The following SLC13A3 variants were observed in gnomAD, a reference collection of about 807,000 sequenced individuals.
SLC13A3 encodes the protein Na(+)/dicarboxylate cotransporter 3.
SLC13A3 carries 40 observed loss-of-function variants against 59.0 expected under a neutral mutation model. The observed-to-expected ratio is 0.68, with a 90% confidence interval of 0.53 to 0.88. The LOEUF (loss-of-function observed/expected upper bound fraction) is 0.88, where lower values mean the gene tolerates loss of function less well. SLC13A3 is among the 40% of genes least tolerant of loss of function. The probability of loss-of-function intolerance (pLI) is 0.00; values close to 1 mark genes in which losing one functional copy is unlikely to be tolerated. For synonymous variants in SLC13A3, 317 were observed against 330.3 expected, an observed-to-expected ratio of 0.96 and a Z score of 0.44; for missense variants, 699 against 783.2, an observed-to-expected ratio of 0.89 and a Z score of 1.28.
At chr20:46,604,688 A>G (rs547086036) in intron 3 of SLC13A3, among the ~76,000 whole-genome samples, 183 of 152,206 alleles carry the variant, frequency 1.2e-3, no homozygotes, top group African/African-American at 4.3e-3. Flanking sequence ...GACCCCCTGC[A>G]GGGGCCTGAA....
At chr20:46,569,673 G>A (rs762478124) in intron 10 of SLC13A3, among the ~76,000 whole-genome samples, 2 of 152,196 alleles carry the variant, frequency 1.3e-5, no homozygotes, top group Non-Finnish European at 2.9e-5. Context: ...GATGCCTGAA[G>A]TGATGGAACT....
chr20:46,661,756 T>G (rs953993078), intron 1 of SLC13A3, among the ~76,000 whole-genome samples: 11 of 152,146 alleles, frequency 7.2e-5, no homozygotes, highest in African/African-American at 2.7e-4. Context: ...AAGCTTCTGA[T>G]AGTCAAAAGC....
In SLC13A3 at chr20:46,596,245, T is replaced by C. The variant is rs750007400; in HGVS notation, c.706A>G (p.Ile236Val). Residue 236 changes from isoleucine to valine, a missense_variant, in exon 5 of 13, where the codon ATC (isoleucine) becomes GTC (valine). By Grantham distance (29) the Ile-to-Val change is conservative. Transcript: ENST00000279027. ...ATACTGGCTGAGTAGGGGATGGAGATGAGGAAGCCCTTCCAGATGTTCCGA... is the reference window on the plus strand; with the variant it reads ...ATACTGGCTGAGTAGGGGATGGAGACGAGGAAGCCCTTCCAGATGTTCCGA... ...YRRNIWKGFL[I>V]SIPYSASIGG... The C allele has an allele frequency of 2.6e-5, 42 of 1,614,116 alleles. No homozygotes were observed. The South Asian group carries it at 4.5e-4, about 17-fold the overall frequency.
At chr20:46,582,991 A>G in intron 9 of SLC13A3, 1 of 985,552 alleles carries the variant, frequency 1.0e-6, no homozygotes, top group South Asian at 4.7e-5. Flanking sequence ...AGTCCCCAAC[A>G]CTTCCTATAC....
chr20:46,637,371 G>A (rs2062806068), intron 1 of SLC13A3, among the ~76,000 whole-genome samples: 1 of 152,196 alleles, frequency 6.6e-6, no homozygotes, highest in East Asian at 1.9e-4. Flanking sequence ...AACTCTCACT[G>A]AGATTTTTCT....
chr20:46,641,770 G>A (rs1469121273), intron 1 of SLC13A3, among the ~76,000 whole-genome samples: 1 of 152,152 alleles, frequency 6.6e-6, no homozygotes, highest in Non-Finnish European at 1.5e-5. Context: ...ACCCTGGAGG[G>A]ACTGCCCCTT....
chr20:46,561,207 G>A (rs2061927585), intron 12 of SLC13A3, among the ~76,000 whole-genome samples: 2 of 152,122 alleles, frequency 1.3e-5, no homozygotes, highest in Non-Finnish European at 2.9e-5. Context: ...CCCTCTTTGA[G>A]TTGTCCCGCC....
chr20:46,621,811 T>C (rs1375722543), intron 1 of SLC13A3, among the ~76,000 whole-genome samples: 1 of 152,226 alleles, frequency 6.6e-6, no homozygotes, highest in African/African-American at 2.4e-5. Context: ...CTGTTCTCCC[T>C]ACCGCTCCGC....
intron 1 of SLC13A3, among the ~76,000 whole-genome samples, chr20:46,676,955 G>A (rs972733524): frequency 6.6e-6 from 1 of 150,698 alleles, no homozygotes; most frequent in South Asian, 2.1e-4. Context: ...GTCTCACCCT[G>A]TCCAGGCTGG....
intron 10 of SLC13A3, 108 bp downstream of exon 10, chr20:46,575,465 G>A: frequency 1.8e-6 from 1 of 558,130 alleles, no homozygotes; most frequent in African/African-American, 1.9e-5. Context: ...GTGCCCCCAG[G>A]GCCCGTGCAG....
At chr20:46,600,154 T>C (rs931004400) in intron 3 of SLC13A3, 117 bp from the exon 4 acceptor site, 29 of 580,376 alleles carry the variant, frequency 5.0e-5, no homozygotes, top group Non-Finnish European at 7.1e-5. Context: ...TACTACTCAC[T>C]GAATCAAAAG....
intron 2 of SLC13A3, among the ~76,000 whole-genome samples, chr20:46,610,967 C>T (rs1044454913): frequency 2.0e-5 from 3 of 152,018 alleles, no homozygotes; most frequent in African/African-American, 7.3e-5. Context: ...CCTCTTTTCC[C>T]CTCCTCTTAC....
At chr20:46,572,749 G>T (rs2062040992) in intron 10 of SLC13A3, among the ~76,000 whole-genome samples, 1 of 152,192 alleles carries the variant, frequency 6.6e-6, no homozygotes, top group Admixed American at 6.5e-5. Context: ...TTTACCAGGT[G>T]GGTGCCGTTG....
At chr20:46,666,800 G>C (rs760074993) in intron 1 of SLC13A3, among the ~76,000 whole-genome samples, 9 of 152,026 alleles carry the variant, frequency 5.9e-5, no homozygotes, top group Non-Finnish European at 1.3e-4. Context: ...CATCACACCT[G>C]GCTGTGATTT....
chr20:46,583,547 G>A (rs767242097), intron 9 of SLC13A3, 25 bp downstream of exon 9: 19 of 1,611,906 alleles, frequency 1.2e-5, no homozygotes, highest in African/African-American at 5.4e-5. Context: ...TGAGCCCACC[G>A]AGACCCCAGC....
intron 9 of SLC13A3, chr20:46,583,338 C>G (rs2062157826): frequency 7.5e-6 from 9 of 1,196,538 alleles, no homozygotes; most frequent in Non-Finnish European, 9.5e-6. Context: ...ACAGGCTGTT[C>G]AAAAACAGAT....
chr20:46,662,448 A>G (rs568893932), intron 1 of SLC13A3, among the ~76,000 whole-genome samples: 25 of 152,300 alleles, frequency 1.6e-4, no homozygotes, highest in Non-Finnish European at 3.1e-4. Context: ...GTCAAAGAAT[A>G]TTTCATTTGG....
intron 1 of SLC13A3, among the ~76,000 whole-genome samples, chr20:46,646,756 T>C (rs966097727): frequency 6.6e-6 from 1 of 152,190 alleles, no homozygotes; most frequent in African/African-American, 2.4e-5. Flanking sequence ...GAATTTATAG[T>C]ACAGGCACAA....
In SLC13A3 at chr20:46,582,772, A is replaced by G. The variant is rs115080160; in HGVS notation, c.1219+800T>C. The stretch of plus-strand genomic sequence containing the variant: ...CAACAATAGAAAATAGTTTGATTAT[A>G]GTCCCTATTTCCTGACTCCGGAGGA... On this transcript the variant is annotated intron_variant, in intron 9 of 12. Coordinates refer to ENST00000279027, the MANE Select transcript of SLC13A3 (RefSeq NM_022829.6). 2,024 of 985,360 alleles carry G rather than the reference A, an allele frequency of 2.1e-3. 34 individuals are homozygous for G. In the African/African-American group the frequency reaches 0.032, roughly 16 times the overall value. 61.0% of individuals were successfully genotyped at this position (985,360 alleles called of 1,614,324 possible).
Sources: gnomAD v4.1 joint callset for allele counts (sites outside exome capture counted in the v4.1 genomes callset) on GRCh38, gnomAD v4.1.1 for gene constraint, MANE v1.5 for transcripts, NCBI Gene and HGNC (gene_info 2026-07-23, HGNC 2026-07-21) for gene names.